Variants in GBE1 observed in about 807,000 individuals in gnomAD.
The protein encoded by GBE1 is 1,4-alpha-glucan branching enzyme 1.
Under a neutral mutation model 88.8 loss-of-function variants are expected in GBE1, and 70 were observed. That is an observed-to-expected ratio of 0.79 (90% CI 0.65 to 0.96). GBE1 has a LOEUF of 0.96. Among genes scored for constraint, GBE1 ranks in the 40% least tolerant of loss-of-function variants. GBE1 has a pLI of 0.00. For missense variants in GBE1, 872 were observed against 871.0 expected (o/e 1.00, Z -0.01); for synonymous variants, 284 against 300.1 (o/e 0.95, Z 0.56).
At chr3:81,688,547 A>G (rs1014508895) in intron 2 of GBE1, among the ~76,000 whole-genome samples, 2 of 152,216 alleles carry the variant, frequency 1.3e-5, no homozygotes, top group African/African-American at 4.8e-5. Flanking sequence ...TTTGCAAATA[A>G]GCATAAATAG....
intron 1 of GBE1, among the ~76,000 whole-genome samples, chr3:81,720,697 T>C (rs1706015299): frequency 6.6e-6 from 1 of 152,100 alleles, no homozygotes; most frequent in African/African-American, 2.4e-5. Flanking sequence ...ATGAAACTAC[T>C]ATAACCAAGA....
At chr3:81,718,726 T>A (rs1302663515) in intron 1 of GBE1, among the ~76,000 whole-genome samples, 1 of 152,176 alleles carries the variant, frequency 6.6e-6, no homozygotes, top group African/African-American at 2.4e-5. Flanking sequence ...AACCTCCGCC[T>A]CCTGGGTTCA....
chr3:81,739,695 G>A (rs1462771313), intron 1 of GBE1, among the ~76,000 whole-genome samples: 1 of 152,008 alleles, frequency 6.6e-6, no homozygotes, highest in Non-Finnish European at 1.5e-5. Context: ...TTTTTTTATT[G>A]AGAGGTTTCA....
At chr3:81,568,179 G>A (rs536117057) in intron 12 of GBE1, among the ~76,000 whole-genome samples, 2 of 151,756 alleles carry the variant, frequency 1.3e-5, no homozygotes, top group African/African-American at 2.4e-5. Context: ...ATGGAGTCTC[G>A]CTCTGGCACC....
rs763338250 is a variant in GBE1, at chr3:81,536,922, C to T, written c.1792G>A (p.Ala598Thr). The T allele has an allele frequency of 7.6e-6, 12 of 1,585,974 alleles. No homozygotes were observed. Among genetic ancestry groups the T allele is most frequent in the African/African-American group, 1.4e-5 (1 of 72,932 alleles). ...AGTGAAGAGCTTACCTGTGGAGCTG[C>T]AAGCCAACCATATCTTTCTTCCAAT... ...NRLEERYGWL[A>T]APQAYVSEKH... Residue 598 changes from alanine (A) to threonine (T), a missense_variant, in exon 13 of 16, where the codon GCA becomes ACA. By Grantham distance (58) the Ala-to-Thr change is moderately conservative. Transcript: ENST00000429644.
At position 81,733,317 on chromosome 3, in the gene GBE1, G is replaced by T. The variant is rs1706213864; in HGVS notation, c.144-27704C>A. On this transcript the variant is annotated intron_variant, in intron 1 of 15. Transcript: ENST00000429644. This position sits in a 1 kb window ranked among gnomAD's most constrained non-coding sequence, Gnocchi z 4.0. ...GGATCATCTAGTTGCAGGAAAACAA[G>T]CTCAGGGCTCCCACCAATTCTACAT... 6.6e-6 allele frequency among the ~76,000 whole-genome samples: 1 copy of T among 151,790 alleles called. No homozygotes were observed. The highest frequency in any genetic ancestry group is 6.6e-5 in the Admixed American group (1 of 15,218).
intron 14 of GBE1, among the ~76,000 whole-genome samples, chr3:81,514,464 C>T (rs1300848673): frequency 6.6e-6 from 1 of 151,518 alleles, no homozygotes; most frequent in Admixed American, 6.6e-5. Context: ...TAAATTAATG[C>T]TTATTTATAG....
chr3:81,609,290 A>C (rs1331959527), intron 7 of GBE1, among the ~76,000 whole-genome samples: 1 of 152,184 alleles, frequency 6.6e-6, no homozygotes, highest in African/African-American at 2.4e-5. Context: ...AACCCCTTCA[A>C]GGAGTTATTA....
At chr3:81,628,146 G>A (rs927337773) in intron 7 of GBE1, among the ~76,000 whole-genome samples, 17 of 152,084 alleles carry the variant, frequency 1.1e-4, no homozygotes, top group East Asian at 5.8e-4. Context: ...AGACTCAGGC[G>A]GCCCCCTTAT....
At chr3:81,496,765 G>C (rs1031443200) in intron 15 of GBE1, among the ~76,000 whole-genome samples, 1 of 152,098 alleles carries the variant, frequency 6.6e-6, no homozygotes, top group Non-Finnish European at 1.5e-5. Context: ...AAGAAAACCC[G>C]TTTGTCTAGA....
At chr3:81,625,083 T>G (rs961764136) in intron 7 of GBE1, among the ~76,000 whole-genome samples, 1 of 114,012 alleles carries the variant, frequency 8.8e-6, no homozygotes. Context: ...CCTGCTTTTA[T>G]GTTATGAGGG....
chr3:81,650,078 A>C, intron 3 of GBE1, 157 bp from the exon 4 acceptor site: 1 of 540,592 alleles, frequency 1.8e-6, no homozygotes, highest in Non-Finnish European at 3.2e-6. Context: ...TAATTCTATC[A>C]ATGTTGGTTT....
chr3:81,503,887 GCAGA>G (rs1702621959), intron 14 of GBE1, among the ~76,000 whole-genome samples: 1 of 152,108 alleles, frequency 6.6e-6, no homozygotes, highest in Middle Eastern at 3.2e-3. Flanking sequence ...TCACAGTTCT[GCAGA>G]CCATACATAT....
intron 7 of GBE1, 196 bp downstream of exon 7, chr3:81,642,585 T>C (rs1704699644): frequency 4.0e-6 from 2 of 497,532 alleles, no homozygotes; most frequent in Admixed American, 4.0e-5. Context: ...ATATGTAAAA[T>C]TGAAATTTAA....
chr3:81,608,349 T>G (rs868534225), intron 7 of GBE1, among the ~76,000 whole-genome samples: 2 of 152,218 alleles, frequency 1.3e-5, no homozygotes, highest in Non-Finnish European at 2.9e-5. Context: ...TTGAAAACCC[T>G]TCTTGAGAAG....
intron 2 of GBE1, among the ~76,000 whole-genome samples, chr3:81,695,942 G>T (rs545820152): frequency 6.6e-6 from 1 of 152,120 alleles, no homozygotes; most frequent in Non-Finnish European, 1.5e-5. Context: ...TGAGAGGGGG[G>T]TCTCTGGCAG....
rs577633008 is a variant in GBE1, at chr3:81,490,428, C to T, written c.2088G>A (p.Gln696=). The change falls in exon 16 of 16, where the codon CAG becomes CAA. Residue 696 remains glutamine (Q), a synonymous_variant. Coordinates refer to ENST00000429644, the MANE Select transcript of GBE1 (RefSeq NM_000158.4). ...CTCTTCAATTCGGCAGATCCACATT[C>T]TGAAGGATGAGGGCCACTCTGCTTG... ...YIPSRVALIL[Q]NVDLPN 1.1e-5 allele frequency: 17 copies of T among 1,613,302 alleles called. No individual in the cohort carries two copies. In the South Asian group the frequency reaches 1.9e-4, roughly 18 times the overall value.
intron 2 of GBE1, among the ~76,000 whole-genome samples, chr3:81,674,771 A>G (rs555771696): frequency 1.1e-4 from 17 of 151,870 alleles, no homozygotes; most frequent in Non-Finnish European, 1.9e-4. Flanking sequence ...ACTTTTTTTC[A>G]TTTAATCCTA....
intron 1 of GBE1, among the ~76,000 whole-genome samples, chr3:81,750,975 G>T (rs1313987081): frequency 6.6e-6 from 1 of 151,526 alleles, no homozygotes; most frequent in Non-Finnish European, 1.5e-5. Context: ...ACTGCGCCTG[G>T]CAACATTCTT....
Sources: allele counts gnomAD v4.1 joint callset (sites outside exome capture counted in the v4.1 genomes callset), GRCh38; gene constraint gnomAD v4.1.1; non-coding constraint Gnocchi (gnomAD v3.1); transcripts MANE v1.5; gene names NCBI Gene and HGNC (gene_info 2026-07-23, HGNC 2026-07-21).